ST8SIA6: variants seen among roughly 807,000 people sequenced by gnomAD.
ST8SIA6 encodes ST8 alpha-N-acetyl-neuraminide alpha-2,8-sialyltransferase 6.
ST8SIA6 carries 39 observed loss-of-function variants against 33.6 expected under a neutral mutation model. That is an observed-to-expected ratio of 1.16 (90% CI 0.90 to 1.52). ST8SIA6 has a LOEUF of 1.52. Among genes scored for constraint, ST8SIA6 ranks in the 40% most tolerant of loss-of-function variants. ST8SIA6 has a pLI of 0.00. For synonymous variants in ST8SIA6, 172 were observed against 167.2 expected (o/e 1.03, Z -0.22); for missense variants, 441 against 443.8 (o/e 0.99, Z 0.06).
chr10:17,325,148 T>C (rs1848085387), intron 6 of ST8SIA6, among the ~76,000 whole-genome samples: 1 of 141,284 alleles, frequency 7.1e-6, no homozygotes, highest in Non-Finnish European at 1.5e-5. Context: ...ATAAAATGTA[T>C]GCATATTGTT....
intron 3 of ST8SIA6, among the ~76,000 whole-genome samples, chr10:17,379,815 G>A (rs2131642358): frequency 6.6e-6 from 1 of 152,296 alleles, no homozygotes; most frequent in East Asian, 1.9e-4. Context: ...TAACAGGTGT[G>A]TCCTCAACCG....
At chr10:17,447,173 G>A (rs1304294740) in intron 2 of ST8SIA6, among the ~76,000 whole-genome samples, 5 of 152,018 alleles carry the variant, frequency 3.3e-5, no homozygotes, top group Non-Finnish European at 7.4e-5. Context: ...GCTGGATCAC[G>A]AGGTCAGGAG....
chr10:17,379,247 G>A (rs1236327796), intron 3 of ST8SIA6, among the ~76,000 whole-genome samples: 1 of 152,174 alleles, frequency 6.6e-6, no homozygotes, highest in Admixed American at 6.5e-5. Flanking sequence ...CTAAGTTCAA[G>A]GGTCCAGTGG....
chr10:17,395,447 C>T (rs1346086383), intron 2 of ST8SIA6, among the ~76,000 whole-genome samples: 1 of 152,080 alleles, frequency 6.6e-6, no homozygotes, highest in Non-Finnish European at 1.5e-5. Flanking sequence ...GAAGAGGACT[C>T]AGTAGGGTTG....
At position 17,327,000 on chromosome 10, in the gene ST8SIA6, T is replaced by A. The variant is rs746162131; in HGVS notation, c.635+14A>T. On this transcript the variant is annotated intron_variant, in intron 6 of 7. Transcript: ENST00000377602. Reference sequence around the variant, plus strand: ...GATCTATTGTTTCAAAGAAACCAATTTGTCAGGTCTTACCTAAAAACGAAG... The same window carrying A: ...GATCTATTGTTTCAAAGAAACCAATATGTCAGGTCTTACCTAAAAACGAAG... 3.1e-5 allele frequency: 48 copies of A among 1,563,566 alleles called. 2 individuals are homozygous for A. The South Asian group carries it at 5.0e-4, about 16-fold the overall frequency.
chr10:17,398,331 A>G (rs1022627341), intron 2 of ST8SIA6, among the ~76,000 whole-genome samples: 12 of 131,764 alleles, frequency 9.1e-5, no homozygotes, highest in Non-Finnish European at 1.5e-4. Flanking sequence ...CATCTTAAGG[A>G]AAAAAAAAAA....
intron 3 of ST8SIA6, among the ~76,000 whole-genome samples, chr10:17,366,164 C>T (rs561245680): frequency 6.6e-6 from 1 of 152,346 alleles, no homozygotes; most frequent in Non-Finnish European, 1.5e-5. Context: ...ACCGACATTT[C>T]ATCCACTAAA....
At chr10:17,381,181 T>C (rs912086053) in intron 3 of ST8SIA6, among the ~76,000 whole-genome samples, 31 of 152,276 alleles carry the variant, frequency 2.0e-4, no homozygotes, top group African/African-American at 7.2e-4. Flanking sequence ...TGTCTCCCTC[T>C]AGTACCACCA....
chr10:17,333,712 T>TAG (rs1848401456), intron 4 of ST8SIA6, among the ~76,000 whole-genome samples: 5 of 38,178 alleles, frequency 1.3e-4, no homozygotes, highest in African/African-American at 3.0e-4. Flanking sequence ...TATATATATA[T>TAG]ATATATTTTT....
intron 3 of ST8SIA6, among the ~76,000 whole-genome samples, chr10:17,368,717 A>G (rs1174561478): frequency 6.6e-6 from 1 of 152,130 alleles, no homozygotes; most frequent in African/African-American, 2.4e-5. Context: ...GTGCAAATAT[A>G]AGGGGGTGGT....
At chr10:17,352,376 T>C (rs1228214149) in intron 4 of ST8SIA6, among the ~76,000 whole-genome samples, 1 of 152,030 alleles carries the variant, frequency 6.6e-6, no homozygotes, top group African/African-American at 2.4e-5. Context: ...AAGAATATGA[T>C]GATTAAAGCA....
At chr10:17,392,351 C>A (rs1190447949) in intron 2 of ST8SIA6, among the ~76,000 whole-genome samples, 1 of 152,012 alleles carries the variant, frequency 6.6e-6, no homozygotes, top group South Asian at 2.1e-4. Context: ...GTGGGTAGTG[C>A]GTTCAAGGCA....
intron 4 of ST8SIA6, among the ~76,000 whole-genome samples, chr10:17,340,926 G>T (rs1384169416): frequency 6.6e-6 from 1 of 152,188 alleles, no homozygotes; most frequent in Non-Finnish European, 1.5e-5. Context: ...TCATATCCCA[G>T]TGACTGCTCT....
intron 2 of ST8SIA6, among the ~76,000 whole-genome samples, chr10:17,412,702 T>G (rs1168456056): frequency 6.6e-6 from 1 of 152,176 alleles, no homozygotes. Context: ...TGGGTAAATA[T>G]CTGTAAGTAC....
chr10:17,448,140 T>C (rs1232278826), intron 2 of ST8SIA6, among the ~76,000 whole-genome samples: 1 of 152,034 alleles, frequency 6.6e-6, no homozygotes, highest in Non-Finnish European at 1.5e-5. Flanking sequence ...AATTAGCAAG[T>C]AGAGGCCAAA....
intron 2 of ST8SIA6, among the ~76,000 whole-genome samples, chr10:17,418,759 G>A (rs1228420561): frequency 6.6e-6 from 1 of 151,782 alleles, no homozygotes; most frequent in Non-Finnish European, 1.5e-5. Flanking sequence ...TTGGGAGGCC[G>A]AGGCAGGTGA....
chr10:17,359,897 A>T (rs1849327548), intron 3 of ST8SIA6, among the ~76,000 whole-genome samples: 1 of 152,164 alleles, frequency 6.6e-6, no homozygotes, highest in African/African-American at 2.4e-5. Context: ...CTTGGCTTAA[A>T]ATAATTGACA....
chr10:17,358,736 GA>G (rs1849285929), intron 4 of ST8SIA6, among the ~76,000 whole-genome samples: 1 of 96,542 alleles, frequency 1.0e-5, no homozygotes, highest in Non-Finnish European at 2.1e-5. Context: ...AGAGGAAGAG[GA>G]AAAAGGAGGA....
At chr10:17,413,890 G>T (rs1024514361) in intron 2 of ST8SIA6, among the ~76,000 whole-genome samples, 1 of 151,894 alleles carries the variant, frequency 6.6e-6, no homozygotes, top group Non-Finnish European at 1.5e-5. Flanking sequence ...CTGTGAAGTG[G>T]GTATTTTTTA....
Sources: allele counts gnomAD v4.1 joint callset (sites outside exome capture counted in the v4.1 genomes callset), GRCh38; gene constraint gnomAD v4.1.1; transcripts MANE v1.5; gene names NCBI Gene and HGNC (gene_info 2026-07-23, HGNC 2026-07-21).